The following DCLK1 variants were observed in gnomAD, a reference collection of about 807,000 sequenced individuals.
The protein encoded by DCLK1 is serine/threonine-protein kinase DCLK1.
Under a neutral mutation model 86.2 loss-of-function variants are expected in DCLK1, and 16 were observed. The ratio of observed to expected loss-of-function variants is 0.19; its 90% CI spans 0.13 to 0.28. The LOEUF is 0.28. DCLK1 is among the 10% of genes least tolerant of loss of function. The probability of loss-of-function intolerance (pLI) is 1.00; values close to 1 mark genes in which losing one functional copy is unlikely to be tolerated. For missense variants in DCLK1, 590 were observed against 940.2 expected, an observed-to-expected ratio of 0.63 and a Z score of 4.87; for synonymous variants, 369 against 370.5, an observed-to-expected ratio of 1.00 and a Z score of 0.05.
intron 4 of DCLK1, among the ~76,000 whole-genome samples, chr13:35,913,025 A>C (rs1365820697): frequency 6.6e-6 from 1 of 152,176 alleles, no homozygotes; most frequent in Non-Finnish European, 1.5e-5. Flanking sequence ...TGGTGGGCCA[A>C]AGAAATGGGG....
At position 36,037,586 on chromosome 13, in the gene DCLK1, C is replaced by T. The variant is rs557869800; in HGVS notation, c.723+74283G>A. ...GCAACCTCTGCCTCCTGGGTTCAAGCGATTCTCGTGCCTCAGTCTCCCAAG... is the reference window on the plus strand; with the variant it reads ...GCAACCTCTGCCTCCTGGGTTCAAGTGATTCTCGTGCCTCAGTCTCCCAAG... On this transcript the variant is annotated intron_variant, in intron 3 of 16. Coordinates refer to ENST00000360631, the MANE Select transcript of DCLK1 (RefSeq NM_001330071.2). Among the ~76,000 whole-genome samples the T allele has an allele frequency of 3.9e-5, 6 of 152,016 alleles. No individual in the cohort carries two copies. In the East Asian group the frequency reaches 5.8e-4, roughly 15 times the overall value.
chr13:35,804,548 T>G lies in DCLK1; in HGVS notation c.1944+1151A>C, dbSNP rs572058260. ...CCCGGGTTCAAGTTATTCTCGTGCC[T>G]CAGCCTCCTGAGTAGCTGGGATTAC... On this transcript the variant is annotated intron_variant, in intron 15 of 16. Coordinates refer to ENST00000360631, the MANE Select transcript of DCLK1 (RefSeq NM_001330071.2). Among the ~76,000 whole-genome samples, 3 of 152,200 alleles carry G rather than the reference T, an allele frequency of 2.0e-5. No homozygotes were observed. In the East Asian group the frequency reaches 5.8e-4, roughly 29 times the overall value.
Position 35,897,511 on chromosome 13 carries a change from C to T in DCLK1, c.824-26171G>A, listed in dbSNP as rs565398262. ...ATATGTAGAAGGAATTCTTGGACAACGTTGCTTGGGCTATGGCAAGTGGAG... is the reference window on the plus strand; with the variant it reads ...ATATGTAGAAGGAATTCTTGGACAATGTTGCTTGGGCTATGGCAAGTGGAG... On this transcript the variant is annotated intron_variant, in intron 4 of 16. Transcript: ENST00000360631. Among the ~76,000 whole-genome samples, 5 of 152,274 alleles carry T rather than the reference C, an allele frequency of 3.3e-5. No homozygotes were observed. In the East Asian group the frequency reaches 7.7e-4, roughly 24 times the overall value.
rs774788249 is a variant in DCLK1 at position 35,805,682 on chromosome 13, T to C, written c.1944+17A>G. The C allele has an allele frequency of 9.3e-6, 15 of 1,607,290 alleles. No individual in the cohort carries two copies. Among genetic ancestry groups the C allele is most frequent in the Non-Finnish European group, 1.3e-5 (15 of 1,176,948 alleles). On this transcript the variant is annotated intron_variant, in intron 15 of 16. Transcript: ENST00000360631. ...GAATGTTAGGAGAGAACAAAGGAAA[T>C]GGTGCGAGTCACTTACATTAACCCA... is the stretch of plus-strand genomic sequence containing the variant.
At chr13:35,862,316 A>C (rs533922537) in intron 5 of DCLK1, among the ~76,000 whole-genome samples, 1 of 152,290 alleles carries the variant, frequency 6.6e-6, no homozygotes, top group Admixed American at 6.5e-5. Context: ...CATCCAACAA[A>C]CCTGCTTCCT....
rs762594588 is a variant in DCLK1 at position 35,774,435 on chromosome 13, G to A, written c.*100C>T. The A allele has an allele frequency of 4.9e-5, 68 of 1,397,784 alleles. No individual in the cohort carries two copies. Among genetic ancestry groups the A allele is most frequent in the Non-Finnish European group, 6.3e-5 (65 of 1,026,584 alleles). 86.6% of individuals were successfully genotyped at this position (1,397,784 alleles called of 1,614,324 possible). On this transcript the variant is annotated 3_prime_UTR_variant, in exon 17 of 17. Transcript: ENST00000360631. ...TTCAGTTCTGCCATTCAAGCATTGA[G>A]CGCTAGATAGATCAGATGAAACTGT...
rs2086312638 is a variant in DCLK1 at position 35,770,562 on chromosome 13, G to A, written c.*3973C>T. 1 of 152,098 alleles carries A rather than the reference G, an allele frequency of 6.6e-6. No individual in the cohort carries two copies. Among genetic ancestry groups the A allele is most frequent in the South Asian group, 2.1e-4 (1 of 4,832 alleles). The allele number at this position is 152,098 out of a possible 1,614,324, so 9.4% of individuals were successfully genotyped here. A position where few individuals can be genotyped will look rare whatever the true frequency, so the allele number is the denominator to read the frequency against. ...ACTCCTAATGGACATGGCAGACAAT[G>A]TGTAGAAAAATCTGAGTTTTGAACT... is the stretch of plus-strand genomic sequence containing the variant. On this transcript the variant is annotated 3_prime_UTR_variant, in exon 17 of 17. Transcript: ENST00000360631.
chr13:35,943,367 A>C (rs549933427), intron 4 of DCLK1, among the ~76,000 whole-genome samples: 1 of 152,280 alleles, frequency 6.6e-6, no homozygotes, highest in South Asian at 2.1e-4. Flanking sequence ...CAGAACTGTG[A>C]GCCAACACAT....
intron 2 of DCLK1, among the ~76,000 whole-genome samples, chr13:36,113,344 T>C (rs755008427): frequency 1.3e-5 from 2 of 152,210 alleles, no homozygotes; most frequent in Admixed American, 6.5e-5. Context: ...CAGATGTTCT[T>C]AAAATATTCT....
chr13:35,811,510 T>C (rs2087143666), intron 11 of DCLK1, among the ~76,000 whole-genome samples: 1 of 152,172 alleles, frequency 6.6e-6, no homozygotes, highest in Non-Finnish European at 1.5e-5. Context: ...GTGTCTCCGA[T>C]TTATGAAAAT....
At chr13:36,034,654 A>C (rs1882420061) in intron 3 of DCLK1, among the ~76,000 whole-genome samples, 1 of 152,164 alleles carries the variant, frequency 6.6e-6, no homozygotes, top group African/African-American at 2.4e-5. Context: ...ATTTTTACCC[A>C]GGCAAGTCCT....
At chr13:35,901,761 C>G (rs1410087462) in intron 4 of DCLK1, among the ~76,000 whole-genome samples, 1 of 152,102 alleles carries the variant, frequency 6.6e-6, no homozygotes, top group Non-Finnish European at 1.5e-5. Flanking sequence ...CAGGGAAGTC[C>G]TGAGGATGCT....
chr13:35,801,597 G>A (rs1257050274), intron 15 of DCLK1, among the ~76,000 whole-genome samples: 1 of 152,036 alleles, frequency 6.6e-6, no homozygotes, highest in Non-Finnish European at 1.5e-5. Context: ...AGGAAAAACT[G>A]AAATGGACAG....
chr13:35,983,022 T>A (rs2153141998), intron 3 of DCLK1, among the ~76,000 whole-genome samples: 1 of 152,224 alleles, frequency 6.6e-6, no homozygotes, highest in Non-Finnish European at 1.5e-5. Flanking sequence ...CCATGGCCTC[T>A]CAAAGTGTTG....
At chr13:36,118,848 T>C (rs1434850437) in intron 2 of DCLK1, among the ~76,000 whole-genome samples, 2 of 152,168 alleles carry the variant, frequency 1.3e-5, no homozygotes. Context: ...GCAGATTTAG[T>C]GTTTGGTGAG....
chr13:35,848,705 A>T, intron 6 of DCLK1: 3 of 985,324 alleles, frequency 3.0e-6, no homozygotes, highest in Non-Finnish European at 3.6e-6. Flanking sequence ...GGGAAGTTAA[A>T]ATTATTGGAA....
rs756141643 is a variant in DCLK1 at position 35,808,318 on chromosome 13, C to T, written c.1769G>A (p.Ser590Asn). The T allele has an allele frequency of 1.2e-6, 2 of 1,613,984 alleles. No homozygotes were observed. Among genetic ancestry groups the T allele is most frequent in the East Asian group, 2.2e-5 (1 of 44,876 alleles). The change falls in exon 14 of 17, where the codon AGT becomes AAT. Residue 590 changes from serine (S) to asparagine (N), a missense_variant and splice_region_variant. Physicochemically the swap from Ser to Asn is conservative, Grantham distance 46. This residue lies in a region of DCLK1 where 146 missense variants were observed against 190.2 expected (regional missense o/e 0.77). Transcript: ENST00000360631. ...AAAAAGCACCTCCTGGTCATCACCA[C>T]TTCTGTTTAGGTGAACGACAACAAG... ...LLCGFPPFRG[S>N]GDDQEVLFDQ...
chr13:36,098,908 T>G (rs1298768444), intron 3 of DCLK1, among the ~76,000 whole-genome samples: 1 of 152,158 alleles, frequency 6.6e-6, no homozygotes, highest in Non-Finnish European at 1.5e-5. Context: ...CAGGGACTAA[T>G]TTTAATGGAA....
At chr13:35,966,140 G>T in intron 3 of DCLK1, among the ~76,000 whole-genome samples, 1 of 152,256 alleles carries the variant, frequency 6.6e-6, no homozygotes, top group Non-Finnish European at 1.5e-5. Context: ...AATAACAAGC[G>T]TTGGCAAGGA....
Sources: allele counts gnomAD v4.1 joint callset (sites outside exome capture counted in the v4.1 genomes callset), GRCh38; gene constraint gnomAD v4.1.1; regional missense constraint gnomAD v4.1.1; transcripts MANE v1.5; gene names NCBI Gene and HGNC (gene_info 2026-07-23, HGNC 2026-07-21).